Variants in DSCAM observed in about 807,000 individuals in gnomAD.
DSCAM encodes the protein cell adhesion molecule DSCAM.
A neutral mutation model predicts 217.7 loss-of-function variants in DSCAM; 47 were observed. That is an observed-to-expected ratio of 0.22 (90% CI 0.17 to 0.28). The LOEUF is 0.28. DSCAM is among the 10% of genes least tolerant of loss of function. The probability of loss-of-function intolerance (pLI) is 1.00; values close to 1 mark genes in which losing one functional copy is unlikely to be tolerated. For synonymous variants in DSCAM, 1,056 were observed against 1,015.3 expected (o/e 1.04, Z -0.76); for missense variants, 2,080 against 2,618.3 (o/e 0.79, Z 4.49).
At chr21:40,330,447 T>C (rs892908037) in intron 8 of DSCAM, among the ~76,000 whole-genome samples, 3 of 149,510 alleles carry the variant, frequency 2.0e-5, no homozygotes, top group African/African-American at 7.3e-5. Context: ...AAACCAATCT[T>C]ACACATAGTC....
intron 1 of DSCAM, among the ~76,000 whole-genome samples, chr21:40,767,926 T>C (rs147696739): frequency 2.0e-5 from 3 of 152,226 alleles, no homozygotes; most frequent in African/African-American, 7.2e-5. Flanking sequence ...GTGTGCATGT[T>C]ACATGGTTTC....
At chr21:40,791,752 C>T (rs1317246814) in intron 1 of DSCAM, among the ~76,000 whole-genome samples, 5 of 152,176 alleles carry the variant, frequency 3.3e-5, no homozygotes, top group African/African-American at 1.2e-4. Context: ...TAAGAGGCTT[C>T]ATAATTGTTG....
chr21:40,460,175 G>A (rs1235661663), intron 3 of DSCAM, among the ~76,000 whole-genome samples: 1 of 152,076 alleles, frequency 6.6e-6, no homozygotes, highest in Admixed American at 6.6e-5. Context: ...AATGCATGCT[G>A]GGCTTAATAC....
intron 27 of DSCAM, among the ~76,000 whole-genome samples, 173 bp downstream of exon 27, chr21:40,074,864 C>T (rs550078931): frequency 6.6e-6 from 1 of 152,314 alleles, no homozygotes; most frequent in Admixed American, 6.5e-5. Context: ...TTGCTCTTCC[C>T]TGAGGCTCTG....
intron 11 of DSCAM, among the ~76,000 whole-genome samples, chr21:40,227,144 T>C (rs1368133497): frequency 1.3e-5 from 2 of 152,202 alleles, no homozygotes; most frequent in Non-Finnish European, 2.9e-5. Flanking sequence ...AGTAGTTTCT[T>C]AGGCTCTAGG....
intron 3 of DSCAM, among the ~76,000 whole-genome samples, chr21:40,441,795 G>A (rs567054215): frequency 1.4e-4 from 21 of 152,092 alleles, no homozygotes; most frequent in African/African-American, 4.3e-4. Context: ...CCATCTACTC[G>A]CTGACCAATG....
intron 1 of DSCAM, among the ~76,000 whole-genome samples, chr21:40,836,722 G>A (rs187945026): frequency 5.3e-5 from 8 of 152,268 alleles, no homozygotes; most frequent in Non-Finnish European, 7.4e-5. Context: ...AAAGGCATGC[G>A]TTAATAATGC....
intron 1 of DSCAM, among the ~76,000 whole-genome samples, chr21:40,792,951 G>T (rs8134517): frequency 0.45 from 68,213 of 151,696 alleles, 17,178 homozygotes; most frequent in South Asian, 0.65. Flanking sequence ...GAGATTCTGG[G>T]GAGGAGGGGA....
intron 4 of DSCAM, among the ~76,000 whole-genome samples, chr21:40,363,741 C>T (rs1220080983): frequency 6.6e-6 from 1 of 152,124 alleles, no homozygotes; most frequent in Non-Finnish European, 1.5e-5. Context: ...AGTGAACAGG[C>T]AACCTACAGA....
chr21:40,075,252 A>G (rs1226490964), intron 26 of DSCAM, 39 bp from the exon 27 acceptor site: 3 of 1,609,562 alleles, frequency 1.9e-6, no homozygotes, highest in Non-Finnish European at 2.6e-6. Context: ...CTATTAATGA[A>G]GACGGCATGG....
intron 11 of DSCAM, among the ~76,000 whole-genome samples, chr21:40,220,351 A>C (rs544089241): frequency 1.3e-5 from 2 of 152,338 alleles, no homozygotes; most frequent in East Asian, 3.9e-4. Flanking sequence ...TGTCTGACTT[A>C]ATAAATAAAA....
chr21:40,647,282 C>G (rs1261885045), intron 3 of DSCAM, among the ~76,000 whole-genome samples: 1 of 152,108 alleles, frequency 6.6e-6, no homozygotes, highest in African/African-American at 2.4e-5. Flanking sequence ...TGTGGGTGAG[C>G]ACTGTTTGTA....
chr21:40,511,965 T>C (rs1333111786), intron 3 of DSCAM, among the ~76,000 whole-genome samples: 1 of 118,200 alleles, frequency 8.5e-6, no homozygotes, highest in Non-Finnish European at 1.6e-5. Flanking sequence ...CACTCCAGCC[T>C]GGGCGACAGA....
intron 3 of DSCAM, among the ~76,000 whole-genome samples, chr21:40,505,751 C>T (rs2837663): frequency 0.087 from 13,220 of 152,216 alleles, 676 homozygotes; most frequent in Middle Eastern, 0.16. Flanking sequence ...CGGCTCATCA[C>T]GTAAAATCAC....
chr21:40,493,627 C>T (rs1042074545), intron 3 of DSCAM, among the ~76,000 whole-genome samples: 2 of 151,310 alleles, frequency 1.3e-5, no homozygotes, highest in East Asian at 1.9e-4. Context: ...TTTAGGAGGC[C>T]GAGGCAGGTG....
At chr21:40,539,005 CAG>C (rs1279069015) in intron 3 of DSCAM, among the ~76,000 whole-genome samples, 4 of 152,140 alleles carry the variant, frequency 2.6e-5, no homozygotes. Flanking sequence ...GAAACCCAGA[CAG>C]AGACTTTCAT....
intron 3 of DSCAM, among the ~76,000 whole-genome samples, chr21:40,503,592 C>G (rs531028612): frequency 6.6e-6 from 1 of 152,152 alleles, no homozygotes; most frequent in South Asian, 2.1e-4. Context: ...GCTGCACATC[C>G]GCTGATTTTC....
At chr21:40,324,103 C>CAAAAAAAAAAAAAAAAA (rs71330393) in intron 8 of DSCAM, among the ~76,000 whole-genome samples, 36 of 27,956 alleles carry the variant, frequency 1.3e-3, no homozygotes, top group Non-Finnish European at 1.6e-3. Flanking sequence ...AACTCTGTCT[C>CAAAAAAAAAAAAAAAAA]AAAAAAAAAA....
intron 3 of DSCAM, among the ~76,000 whole-genome samples, chr21:40,576,876 T>C (rs970064848): frequency 5.3e-5 from 8 of 151,930 alleles, no homozygotes; most frequent in Non-Finnish European, 1.0e-4. Context: ...TACCTTTGCA[T>C]CTATCAACAA....
Sources: gnomAD v4.1 joint callset for allele counts (sites outside exome capture counted in the v4.1 genomes callset) on GRCh38, gnomAD v4.1.1 for gene constraint, MANE v1.5 for transcripts, NCBI Gene and HGNC (gene_info 2026-07-23, HGNC 2026-07-21) for gene names.